Variants in RSRC1 observed in about 807,000 individuals in gnomAD.
RSRC1 encodes arginine and serine rich coiled-coil 1.
In RSRC1, 39 loss-of-function variants were observed where a neutral mutation model predicts 49.1. The observed-to-expected ratio is 0.79, with a 90% CI of 0.61 to 1.04. The LOEUF (loss-of-function observed/expected upper bound fraction) is 1.04. Ranked by LOEUF, RSRC1 falls within the 50% of genes least tolerant of loss-of-function variation. The pLI is 0.00. For missense variants in RSRC1, 388 were observed against 402.4 expected, an observed-to-expected ratio of 0.96 and a Z score of 0.31; for synonymous variants, 143 against 130.8, an observed-to-expected ratio of 1.09 and a Z score of -0.63.
intron 6 of RSRC1, among the ~76,000 whole-genome samples, chr3:158,403,273 A>G (rs1411858090): frequency 6.6e-6 from 1 of 151,858 alleles, no homozygotes; most frequent in African/African-American, 2.4e-5. Flanking sequence ...AGAAACTATA[A>G]ACTGATTAAA....
intron 7 of RSRC1, among the ~76,000 whole-genome samples, chr3:158,477,336 A>G (rs1738411019): frequency 6.6e-6 from 1 of 152,050 alleles, no homozygotes; most frequent in Admixed American, 6.6e-5. Context: ...GCTATAGAGA[A>G]CTCTTTCATG....
At chr3:158,137,474 G>A (rs1716449779) in intron 3 of RSRC1, among the ~76,000 whole-genome samples, 1 of 151,140 alleles carries the variant, frequency 6.6e-6, no homozygotes, top group African/African-American at 2.4e-5. Context: ...GCAGTTTTTA[G>A]GTATTTTAAA....
At chr3:158,537,526 A>G (rs1712783625) in intron 8 of RSRC1, among the ~76,000 whole-genome samples, 1 of 151,634 alleles carries the variant, frequency 6.6e-6, no homozygotes, top group African/African-American at 2.4e-5. Context: ...AAATGTGTAC[A>G]TCTACTTTTT....
chr3:158,394,006 C>A (rs1733474464), intron 6 of RSRC1, among the ~76,000 whole-genome samples: 1 of 151,996 alleles, frequency 6.6e-6, no homozygotes, highest in Non-Finnish European at 1.5e-5. Context: ...TCAGCACATG[C>A]AAATCAATAA....
At chr3:158,234,786 G>A (rs761939806) in intron 4 of RSRC1, among the ~76,000 whole-genome samples, 2 of 151,974 alleles carry the variant, frequency 1.3e-5, no homozygotes, top group Non-Finnish European at 2.9e-5. Flanking sequence ...ATTTTTTATT[G>A]TACAAATCTT....
chr3:158,145,138 A>G (rs2108202530), intron 3 of RSRC1, among the ~76,000 whole-genome samples: 2 of 152,292 alleles, frequency 1.3e-5, no homozygotes, highest in African/African-American at 4.8e-5. Flanking sequence ...GAGTTTAATT[A>G]GATCCCATTT....
intron 3 of RSRC1, among the ~76,000 whole-genome samples, chr3:158,188,743 C>T (rs376750038): frequency 2.0e-5 from 3 of 151,922 alleles, no homozygotes; most frequent in African/African-American, 7.2e-5. Context: ...TTAAAAAAAT[C>T]ATTTCCATGA....
chr3:158,241,538 A>ATT (rs144276731), intron 4 of RSRC1, among the ~76,000 whole-genome samples: 1 of 149,236 alleles, frequency 6.7e-6, no homozygotes, highest in African/African-American at 2.5e-5. Context: ...AGTGTAGACT[A>ATT]TTTTTTTTTT....
chr3:158,543,214 G>T, intron 8 of RSRC1, 121 bp from the exon 9 acceptor site: 1 of 689,686 alleles, frequency 1.4e-6, no homozygotes, highest in Non-Finnish European at 2.1e-6. Flanking sequence ...GGGCCTTTTT[G>T]GAGATGGGTA....
chr3:158,441,767 G>T (rs183142179), intron 6 of RSRC1, among the ~76,000 whole-genome samples: 4 of 152,092 alleles, frequency 2.6e-5, no homozygotes, highest in Non-Finnish European at 4.4e-5. Context: ...TGACACGATT[G>T]TGAGGATAAA....
Position 158,514,219 on chromosome 3 carries a change from T to C in RSRC1, c.653-22873T>C, listed in dbSNP as rs577513851. Among the ~76,000 whole-genome samples the C allele has an allele frequency of 4.6e-5, 7 of 152,352 alleles. No homozygotes were observed. The East Asian group carries it at 1.2e-3, about 25-fold the overall frequency. On this transcript the variant is annotated intron_variant, in intron 7 of 9. Transcript: ENST00000611884. ...TTTAATTGTGATGTTAGGGTGTCAA[T>C]TTTGGATCTTTCCTGCTTTCTCTTG...
intron 6 of RSRC1, among the ~76,000 whole-genome samples, chr3:158,401,787 A>G (rs542907678): frequency 7.8e-4 from 118 of 152,190 alleles, no homozygotes; most frequent in Non-Finnish European, 1.5e-3. Context: ...GTCTTTGGCC[A>G]GTTCACAGAA....
chr3:158,268,640 C>T (rs528921125), intron 4 of RSRC1, among the ~76,000 whole-genome samples: 3 of 152,246 alleles, frequency 2.0e-5, no homozygotes, highest in South Asian at 2.1e-4. Flanking sequence ...TTTGTGGCGG[C>T]TTTTTGGATT....
chr3:158,203,882 T>C (rs1721210379), intron 4 of RSRC1, among the ~76,000 whole-genome samples: 1 of 152,212 alleles, frequency 6.6e-6, no homozygotes. Context: ...AATCCACTCA[T>C]AAGTGTTTGT....
At chr3:158,371,552 A>G (rs942608468) in intron 6 of RSRC1, among the ~76,000 whole-genome samples, 6 of 152,000 alleles carry the variant, frequency 3.9e-5, no homozygotes, top group African/African-American at 1.4e-4. Context: ...ACGTTGTTGC[A>G]TGTATCAGTA....
intron 7 of RSRC1, among the ~76,000 whole-genome samples, chr3:158,481,857 G>T (rs1451325913): frequency 6.6e-6 from 1 of 151,852 alleles, no homozygotes; most frequent in Non-Finnish European, 1.5e-5. Flanking sequence ...AATAATGTGG[G>T]CTCTACTAGA....
chr3:158,240,307 T>C (rs1723495770), intron 4 of RSRC1, among the ~76,000 whole-genome samples: 1 of 152,146 alleles, frequency 6.6e-6, no homozygotes, highest in Non-Finnish European at 1.5e-5. Flanking sequence ...AATAAAGTTT[T>C]CTTCAATTCT....
chr3:158,125,163 G>GT (rs1715536373), intron 3 of RSRC1, among the ~76,000 whole-genome samples: 1 of 151,112 alleles, frequency 6.6e-6, no homozygotes, highest in African/African-American at 2.4e-5. Context: ...TTTTGTTGTT[G>GT]TTTTTCAAAA....
intron 3 of RSRC1, among the ~76,000 whole-genome samples, chr3:158,141,962 G>A (rs1238484640): frequency 6.6e-6 from 1 of 152,136 alleles, no homozygotes; most frequent in Admixed American, 6.5e-5. Context: ...GCCGGGCGTG[G>A]TGGTGCACGC....
Sources: allele counts gnomAD v4.1 joint callset (sites outside exome capture counted in the v4.1 genomes callset), GRCh38; gene constraint gnomAD v4.1.1; transcripts MANE v1.5; gene names NCBI Gene and HGNC (gene_info 2026-07-23, HGNC 2026-07-21).